CHST3: variants seen among roughly 807,000 people sequenced by gnomAD.
The protein encoded by CHST3 is carbohydrate sulfotransferase 3, also known as C6ST-1.
A neutral mutation model predicts 35.4 loss-of-function variants in CHST3; 20 were observed. That is an observed-to-expected ratio of 0.57 (90% CI 0.40 to 0.82). The LOEUF is 0.82. Ranked by LOEUF, CHST3 falls within the 40% of genes least tolerant of loss-of-function variation. The pLI is 0.00. For synonymous variants in CHST3, 334 were observed against 295.9 expected (o/e 1.13, Z -1.32); for missense variants, 693 against 670.1 (o/e 1.03, Z -0.38).
In CHST3 at chr10:72,007,793, C is replaced by T. The variant is rs1840059377; in HGVS notation, c.762C>T (p.Pro254=). Residue 254 remains proline (P), a synonymous_variant, in exon 3 of 3, where the codon CCC becomes CCT. Coordinates refer to ENST00000373115, the MANE Select transcript of CHST3 (RefSeq NM_004273.5). ...KYHCKNRRCG[P]LNVTLAAEAC... ...ACTGCAAGAACCGCCGCTGCGGCCCCCTCAACGTGACGCTGGCCGCAGAGG... is the reference window on the plus strand; with the variant it reads ...ACTGCAAGAACCGCCGCTGCGGCCCTCTCAACGTGACGCTGGCCGCAGAGG... 1.2e-6 allele frequency: 2 copies of T among 1,601,866 alleles called. No homozygotes were observed. Among genetic ancestry groups the T allele is most frequent in the African/African-American group, 1.3e-5 (1 of 75,042 alleles).
Position 72,007,823 on chromosome 10 carries a change from C to G in CHST3, c.792C>G (p.Cys264Trp). 6.2e-7 allele frequency: 1 copy of G among 1,603,420 alleles called. No homozygotes were observed. Among genetic ancestry groups the G allele is most frequent in the Non-Finnish European group, 8.5e-7 (1 of 1,179,408 alleles). ...ACGTGACGCTGGCCGCAGAGGCCTG[C>G]CGCCGCAAGGAGCACATGGCCCTCA... ...PLNVTLAAEACRRKEHMALKA... is the reference protein window; with the variant it reads ...PLNVTLAAEAWRRKEHMALKA... The change falls in exon 3 of 3, where the codon TGC (cysteine) becomes TGG (tryptophan). Residue 264 changes from cysteine to tryptophan, a missense_variant. Physicochemically the swap from Cys to Trp is radical, Grantham distance 215. Coordinates refer to ENST00000373115, the MANE Select transcript of CHST3 (RefSeq NM_004273.5).
At position 72,011,882 on chromosome 10, in the gene CHST3, G is replaced by A. The variant is rs1564534383; in HGVS notation, c.*3411G>A. On this transcript the variant is annotated 3_prime_UTR_variant, in exon 3 of 3. Transcript: ENST00000373115. Reference sequence around the variant, plus strand: ...CCTGGAGGGTCCTTGGGAGTAGTTAGTGGAGGGCAGGATTCTCAGGTCCCC... The same window carrying A: ...CCTGGAGGGTCCTTGGGAGTAGTTAATGGAGGGCAGGATTCTCAGGTCCCC... The A allele has an allele frequency of 6.6e-6, 1 of 152,172 alleles. No individual in the cohort carries two copies. Among genetic ancestry groups the A allele is most frequent in the Non-Finnish European group, 1.5e-5 (1 of 68,050 alleles). The allele number at this position is 152,172 out of a possible 1,614,324, so 9.4% of individuals were successfully genotyped here. A position where few individuals can be genotyped will look rare whatever the true frequency, so the allele number is the denominator to read the frequency against.
At chr10:71,992,873 G>A (rs961722982) in intron 1 of CHST3, among the ~76,000 whole-genome samples, 1 of 151,986 alleles carries the variant, frequency 6.6e-6, no homozygotes, top group Non-Finnish European at 1.5e-5. Flanking sequence ...TGTTGGCCAG[G>A]CTGGTCTTGA....
chr10:71,970,247 C>T (rs1212982103), intron 1 of CHST3, among the ~76,000 whole-genome samples: 3 of 152,094 alleles, frequency 2.0e-5, no homozygotes, highest in Non-Finnish European at 2.9e-5. Context: ...CTCTTGATCC[C>T]CCTCACCCCC....
chr10:71,970,013 G>A (rs1839674552), intron 1 of CHST3, among the ~76,000 whole-genome samples: 1 of 152,220 alleles, frequency 6.6e-6, no homozygotes, highest in Non-Finnish European at 1.5e-5. Flanking sequence ...ACAGAATGCT[G>A]CTGGTCCTAC....
chr10:71,969,114 A>C (rs919244508), intron 1 of CHST3, among the ~76,000 whole-genome samples: 2 of 151,950 alleles, frequency 1.3e-5, no homozygotes, highest in Admixed American at 1.3e-4. Context: ...GGAGAGCTGG[A>C]CTCCTCAGCA....
rs940086198 is a variant in CHST3 at position 72,005,747 on chromosome 10, C to T, written c.-96C>T. On this transcript the variant is annotated 5_prime_UTR_variant, in exon 2 of 3. Transcript: ENST00000373115. ...CTGTCTCTCCGCAGGACAAGGGTGT[C>T]CCCCACCTGAAGACGGCAAGCTGGG... 3 of 1,500,212 alleles carry T rather than the reference C, an allele frequency of 2.0e-6. No homozygotes were observed. Among genetic ancestry groups the T allele is most frequent in the Non-Finnish European group, 2.8e-6 (3 of 1,080,818 alleles). 92.9% of individuals were successfully genotyped at this position (1,500,212 alleles called of 1,614,324 possible).
intron 1 of CHST3, among the ~76,000 whole-genome samples, chr10:71,998,144 AAAAT>A (rs937135676): frequency 6.6e-6 from 1 of 152,146 alleles, no homozygotes; most frequent in Non-Finnish European, 1.5e-5. Flanking sequence ...GTCCCCCCCA[AAAAT>A]AAATAAATCA....
At chr10:71,974,813 G>A (rs1395388685) in intron 1 of CHST3, among the ~76,000 whole-genome samples, 1 of 152,092 alleles carries the variant, frequency 6.6e-6, no homozygotes, top group Non-Finnish European at 1.5e-5. Flanking sequence ...TCCTGCACTG[G>A]GTTCTCCTCC....
chr10:71,965,233 G>A (rs1839618145), intron 1 of CHST3, among the ~76,000 whole-genome samples: 1 of 151,406 alleles, frequency 6.6e-6, no homozygotes, highest in African/African-American at 2.4e-5. Flanking sequence ...AATTTGGTGT[G>A]GAAACTCGGT....
chr10:71,998,345 G>C (rs937443691), intron 1 of CHST3, among the ~76,000 whole-genome samples: 1 of 152,170 alleles, frequency 6.6e-6, no homozygotes, highest in African/African-American at 2.4e-5. Flanking sequence ...CATGAATCTT[G>C]GTCTATGTCC....
At position 71,988,124 on chromosome 10, in the gene CHST3, G is replaced by A. The variant is rs140405181; in HGVS notation, c.-107-17612G>A. Among the ~76,000 whole-genome samples, 875 of 152,052 alleles carry A rather than the reference G, an allele frequency of 5.8e-3. 9 individuals carry two copies. The highest frequency in any genetic ancestry group is 0.02 in the African/African-American group (840 of 41,372). ...CAAAAGGTTGATGATTGATAAAACT[G>A]ACAAAAGCTCCAAACCCCACAAATG... On this transcript the variant is annotated intron_variant, in intron 1 of 2. Coordinates refer to ENST00000373115, the MANE Select transcript of CHST3 (RefSeq NM_004273.5).
At chr10:71,970,728 T>C (rs1348788017) in intron 1 of CHST3, among the ~76,000 whole-genome samples, 2 of 152,188 alleles carry the variant, frequency 1.3e-5, no homozygotes, top group Non-Finnish European at 2.9e-5. Flanking sequence ...AGTTTAACTT[T>C]GATGGTGCAG....
chr10:71,973,958 C>T (rs567031335), intron 1 of CHST3, among the ~76,000 whole-genome samples: 3 of 152,308 alleles, frequency 2.0e-5, no homozygotes, highest in East Asian at 3.9e-4. Flanking sequence ...GCTCTAGAGC[C>T]GGGCTGCCTT....
intron 1 of CHST3, among the ~76,000 whole-genome samples, chr10:71,979,375 G>A (rs1488114266): frequency 6.6e-6 from 1 of 152,088 alleles, no homozygotes; most frequent in Non-Finnish European, 1.5e-5. Flanking sequence ...ACGGAGTCTC[G>A]GGAGGGGGGT....
At chr10:71,981,898 C>T (rs999873363) in intron 1 of CHST3, among the ~76,000 whole-genome samples, 7 of 152,208 alleles carry the variant, frequency 4.6e-5, no homozygotes, top group Non-Finnish European at 7.3e-5. Flanking sequence ...GGGGTGAACC[C>T]TTGGCACTGA....
intron 1 of CHST3, among the ~76,000 whole-genome samples, chr10:71,966,647 C>T (rs993457797): frequency 2.6e-5 from 4 of 152,224 alleles, no homozygotes; most frequent in Non-Finnish European, 5.9e-5. Flanking sequence ...CCCCCAATTT[C>T]AGGTGGAACC....
chr10:71,980,671 GC>G (rs1395708677), intron 1 of CHST3, among the ~76,000 whole-genome samples: 4 of 152,326 alleles, frequency 2.6e-5, no homozygotes, highest in Admixed American at 1.3e-4. Context: ...CCCAGGAGGG[GC>G]TGATACTGCC....
At chr10:71,996,559 TCATAA>T (rs978713955) in intron 1 of CHST3, among the ~76,000 whole-genome samples, 3 of 152,012 alleles carry the variant, frequency 2.0e-5, no homozygotes, top group Non-Finnish European at 4.4e-5. Flanking sequence ...TGGTGCAGCG[TCATAA>T]CATAAGCATC....
Sources: allele counts gnomAD v4.1 joint callset (sites outside exome capture counted in the v4.1 genomes callset), GRCh38; gene constraint gnomAD v4.1.1; transcripts MANE v1.5; gene names NCBI Gene and HGNC (gene_info 2026-07-23, HGNC 2026-07-21).